Variants in TMC5 observed in about 807,000 individuals in gnomAD.
TMC5 encodes the protein transmembrane channel-like protein 5.
TMC5 carries 86 observed loss-of-function variants against 110.5 expected under a neutral mutation model. The observed-to-expected ratio is 0.78, with a 90% confidence interval of 0.65 to 0.93. TMC5 has a LOEUF of 0.93. Among genes scored for constraint, TMC5 ranks in the 40% least tolerant of loss-of-function variants. The probability of loss-of-function intolerance (pLI) is 0.00; values close to 1 mark genes in which losing one functional copy is unlikely to be tolerated. For missense variants in TMC5, 1,144 were observed against 1,222.8 expected, an observed-to-expected ratio of 0.94 and a Z score of 0.96; for synonymous variants, 455 against 439.5, an observed-to-expected ratio of 1.04 and a Z score of -0.44.
At chr16:19,483,026 G>A (rs1241972796) in intron 15 of TMC5, among the ~76,000 whole-genome samples, 2 of 152,024 alleles carry the variant, frequency 1.3e-5, no homozygotes, top group African/African-American at 2.4e-5. Flanking sequence ...ACCACACCTG[G>A]CTAATTTTTG....
At chr16:19,446,424 G>A (rs1458783927) in intron 4 of TMC5, among the ~76,000 whole-genome samples, 2 of 152,230 alleles carry the variant, frequency 1.3e-5, no homozygotes, top group Non-Finnish European at 2.9e-5. Context: ...AATGAAACAA[G>A]ATTGAGACAT....
intron 20 of TMC5, among the ~76,000 whole-genome samples, chr16:19,494,940 C>G (rs894456305): frequency 6.6e-6 from 1 of 151,854 alleles, no homozygotes; most frequent in Non-Finnish European, 1.5e-5. Flanking sequence ...CCCGATAATA[C>G]AGAAGTAGAT....
At chr16:19,443,705 G>C (rs1967541839) in intron 3 of TMC5, among the ~76,000 whole-genome samples, 1 of 152,062 alleles carries the variant, frequency 6.6e-6, no homozygotes, top group African/African-American at 2.4e-5. Context: ...TGAATGGATG[G>C]ATACATGGAT....
Position 19,440,383 on chromosome 16 carries a change from T to C in TMC5, c.345T>C (p.Ser115=). 1 of 1,613,812 alleles carries C rather than the reference T, an allele frequency of 6.2e-7. No individual in the cohort carries two copies. Among genetic ancestry groups the C allele is most frequent in the South Asian group, 1.1e-5 (1 of 91,054 alleles). Reference sequence around the variant, plus strand: ...AGCCAGATTATAGTGAATTTCAGAGTCATCCCTACCACCGAGCATCATCCA... The same window carrying C: ...AGCCAGATTATAGTGAATTTCAGAGCCATCCCTACCACCGAGCATCATCCA... ...LPEPDYSEFQ[S]HPYHRASSRQ... The change falls in exon 3 of 22, where the codon AGT becomes AGC. Residue 115 remains serine, a synonymous_variant. Transcript: ENST00000542583.
At chr16:19,414,746 C>A (rs1014276825), upstream of TMC5, among the ~76,000 whole-genome samples, 3 of 150,366 alleles carry the variant, frequency 2.0e-5, no homozygotes, top group African/African-American at 7.3e-5. Flanking sequence ...CCCCCGATCT[C>A]GACAAAAAAG....
intron 3 of TMC5, among the ~76,000 whole-genome samples, chr16:19,442,750 T>C (rs1381775822): frequency 6.6e-6 from 1 of 152,204 alleles, no homozygotes; most frequent in Non-Finnish European, 1.5e-5. Context: ...ATTTATGAAT[T>C]TGATAAAAAA....
At chr16:19,424,993 GACATTCCCGTA>G in intron 1 of TMC5, among the ~76,000 whole-genome samples, 1 of 152,292 alleles carries the variant, frequency 6.6e-6, no homozygotes, top group East Asian at 1.9e-4. Context: ...TGGAACAAAA[GACATTCCCGTA>G]ACCCAGGAAT....
intron 1 of TMC5, among the ~76,000 whole-genome samples, chr16:19,419,536 C>T (rs546744914): frequency 1.2e-3 from 184 of 150,848 alleles, no homozygotes; most frequent in African/African-American, 4.2e-3. Flanking sequence ...CCTCAGCCTC[C>T]GGAGTAGCTG....
chr16:19,479,587 C>T (rs915304489), intron 14 of TMC5, 59 bp downstream of exon 14: 81 of 1,245,286 alleles, frequency 6.5e-5, no homozygotes, highest in Middle Eastern at 1.9e-4. Flanking sequence ...AACCTGATTC[C>T]TGGCTGAGTG....
upstream of TMC5, among the ~76,000 whole-genome samples, chr16:19,414,838 G>A (rs975102096): frequency 6.6e-6 from 1 of 152,162 alleles, no homozygotes; most frequent in South Asian, 2.1e-4. Flanking sequence ...TTGAGGCCAG[G>A]AGTTCGAGAC....
chr16:19,426,583 C>T (rs1382550130), intron 1 of TMC5, among the ~76,000 whole-genome samples: 1 of 152,150 alleles, frequency 6.6e-6, no homozygotes, highest in Non-Finnish European at 1.5e-5. Context: ...CTTGACTTGT[C>T]TCCATCTGTC....
At chr16:19,477,703 AG>A (rs1252684840) in intron 13 of TMC5, among the ~76,000 whole-genome samples, 185 bp downstream of exon 13, 2 of 152,224 alleles carry the variant, frequency 1.3e-5, no homozygotes, top group Non-Finnish European at 2.9e-5. Context: ...CTCAGGTTCT[AG>A]AGTCAGGAGG....
At chr16:19,436,925 T>C (rs1967362865) in intron 2 of TMC5, among the ~76,000 whole-genome samples, 2 of 152,330 alleles carry the variant, frequency 1.3e-5, no homozygotes, top group Non-Finnish European at 2.9e-5. Flanking sequence ...ACACCTGTAA[T>C]CCTAGCACTT....
Position 19,444,216 on chromosome 16 carries a change from C to T in TMC5, c.924C>T (p.Gly308=). Residue 308 remains glycine, a synonymous_variant, in exon 4 of 22, where the codon GGC becomes GGT. Coordinates refer to ENST00000542583, the MANE Select transcript of TMC5 (RefSeq NM_001261841.2). ...CCATGGAGATGGCAAACTCATATGG[C>T]CACTCTCTGCCAGGTGCTCCTGGAA... is the stretch of plus-strand genomic sequence containing the variant. The part of the protein sequence containing the change: ...MASMEMANSY[G]HSLPGAPGSG... 6.8e-6 allele frequency: 11 copies of T among 1,613,882 alleles called. No homozygotes were observed. The highest frequency in any genetic ancestry group is 9.3e-6 in the Non-Finnish European group (11 of 1,179,986).
intron 3 of TMC5, among the ~76,000 whole-genome samples, chr16:19,441,896 C>T (rs377629497): frequency 3.6e-4 from 55 of 152,252 alleles, no homozygotes; most frequent in East Asian, 1.2e-3. Context: ...CTCTGCCTCC[C>T]GGGTTCAAGC....
intron 15 of TMC5, among the ~76,000 whole-genome samples, chr16:19,484,047 A>C (rs1207114448): frequency 6.7e-6 from 1 of 149,684 alleles, no homozygotes; most frequent in Non-Finnish European, 1.5e-5. Flanking sequence ...ACGCCATTGC[A>C]CTCCAGCCTG....
chr16:19,487,257 T>C lies in TMC5; in HGVS notation c.2504T>C (p.Phe835Ser), dbSNP rs770233952. The change falls in exon 17 of 22, where the codon TTC becomes TCC. Residue 835 changes from phenylalanine (F) to serine (S), a missense_variant. Coordinates refer to ENST00000542583, the MANE Select transcript of TMC5 (RefSeq NM_001261841.2). ...TGGCGGGCCTCACAGATGATGACTT[T>C]CTTCATCTTCTTGCTCTTTTTCCCA... ...KAWRASQMMT[F>S]FIFLLFFPSF... 2 of 1,614,180 alleles carry C rather than the reference T, an allele frequency of 1.2e-6. No homozygotes were observed. Among genetic ancestry groups the C allele is most frequent in the South Asian group, 2.2e-5 (2 of 91,076 alleles).
chr16:19,475,866 A>G (rs1227848820), intron 12 of TMC5, among the ~76,000 whole-genome samples: 2 of 139,912 alleles, frequency 1.4e-5, no homozygotes, highest in Non-Finnish European at 3.0e-5. Context: ...GTGCGGTGGC[A>G]TGATCTCTGC....
At chr16:19,446,492 C>T (rs1401798532) in intron 4 of TMC5, among the ~76,000 whole-genome samples, 3 of 152,238 alleles carry the variant, frequency 2.0e-5, no homozygotes, top group African/African-American at 7.2e-5. Flanking sequence ...TGAGTGTTTC[C>T]TATGCCCTGG....
Sources: allele counts gnomAD v4.1 joint callset (sites outside exome capture counted in the v4.1 genomes callset), GRCh38; gene constraint gnomAD v4.1.1; transcripts MANE v1.5; gene names NCBI Gene and HGNC (gene_info 2026-07-23, HGNC 2026-07-21).